NXPH2: variants seen among roughly 807,000 people sequenced by gnomAD.
The protein encoded by NXPH2 is neurexophilin-2.
In NXPH2, 5 loss-of-function variants were observed where a neutral mutation model predicts 19.8. The observed-to-expected ratio is 0.25, with a 90% confidence interval of 0.13 to 0.53. The LOEUF (loss-of-function observed/expected upper bound fraction) is 0.53, where lower values mean the gene tolerates loss of function less well. Ranked by LOEUF, NXPH2 falls within the 20% of genes least tolerant of loss-of-function variation. NXPH2 has a pLI of 0.96. For synonymous variants in NXPH2, 154 were observed against 127.4 expected, an observed-to-expected ratio of 1.21 and a Z score of -1.41; for missense variants, 289 against 322.8, an observed-to-expected ratio of 0.90 and a Z score of 0.80.
At position 138,721,339 on chromosome 2, in the gene NXPH2, G is replaced by GAA. The variant is rs141871590; in HGVS notation, c.52-49676_52-49675dup. Among the ~76,000 whole-genome samples, 399 of 141,114 alleles carry GAA rather than the reference G, an allele frequency of 2.8e-3. 4 individuals are homozygous for GAA. The highest frequency in any genetic ancestry group is 9.7e-3 in the African/African-American group (373 of 38,310). 92.6% of individuals were successfully genotyped at this position (141,114 alleles called of 152,430 possible). A position where few individuals can be genotyped will look rare whatever the true frequency, so the allele number is the denominator to read the frequency against. ...CTGGAGATAGAGCAAGACTCCGTCT[G>GAA]AAAAAAAAAAAAATTGCCAGAGGTG... On this transcript the variant is annotated intron_variant, in intron 1 of 1. Transcript: ENST00000272641.
At chr2:138,674,453 A>G (rs545448703) in intron 1 of NXPH2, among the ~76,000 whole-genome samples, 1 of 151,778 alleles carries the variant, frequency 6.6e-6, no homozygotes, top group South Asian at 2.1e-4. Context: ...TGCTCGGCTT[A>G]ATTTTTTATT....
intron 1 of NXPH2, among the ~76,000 whole-genome samples, chr2:138,743,004 G>C (rs1681668410): frequency 6.6e-6 from 1 of 152,110 alleles, no homozygotes; most frequent in Admixed American, 6.5e-5. Flanking sequence ...GTATAATTTA[G>C]TGAGATCATT....
chr2:138,706,316 C>A (rs1032214318), intron 1 of NXPH2, among the ~76,000 whole-genome samples: 2 of 152,150 alleles, frequency 1.3e-5, no homozygotes, highest in Non-Finnish European at 2.9e-5. Flanking sequence ...AGTAGCAGAG[C>A]TGCTGTAGTC....
At chr2:138,718,423 G>A (rs1223634767) in intron 1 of NXPH2, among the ~76,000 whole-genome samples, 1 of 152,076 alleles carries the variant, frequency 6.6e-6, no homozygotes, top group Non-Finnish European at 1.5e-5. Flanking sequence ...AACCCTCTCT[G>A]GGATAATGAC....
At position 138,771,552 on chromosome 2, in the gene NXPH2, T is replaced by C. The variant is rs548595772; in HGVS notation, c.51+8639A>G. ...CAGGCTGAAGCAAGTATTTGAGGGC[T>C]ATTGATTTAAAACAGAAGCACTTCC... On this transcript the variant is annotated intron_variant, in intron 1 of 1. Coordinates refer to ENST00000272641, the MANE Select transcript of NXPH2 (RefSeq NM_007226.3). 2.0e-3 allele frequency among the ~76,000 whole-genome samples: 303 copies of C among 152,130 alleles called. 3 individuals carry two copies. The highest frequency in any genetic ancestry group is 6.7e-3 in the African/African-American group (280 of 41,486).
chr2:138,734,929 C>T (rs1461975215), intron 1 of NXPH2, among the ~76,000 whole-genome samples: 1 of 152,142 alleles, frequency 6.6e-6, no homozygotes, highest in Non-Finnish European at 1.5e-5. Context: ...AATCAGAAAA[C>T]TGGTCAAGGG....
chr2:138,701,374 G>A (rs1380074525), intron 1 of NXPH2, among the ~76,000 whole-genome samples: 1 of 152,138 alleles, frequency 6.6e-6, no homozygotes, highest in African/African-American at 2.4e-5. Context: ...GAAAAACAGA[G>A]CGGGTTTTAG....
At chr2:138,685,510 TATC>T (rs1222103609) in intron 1 of NXPH2, among the ~76,000 whole-genome samples, 2 of 152,242 alleles carry the variant, frequency 1.3e-5, no homozygotes, top group African/African-American at 4.8e-5. Context: ...AAGTTGAAGA[TATC>T]ATAAATTGAA....
intron 1 of NXPH2, among the ~76,000 whole-genome samples, chr2:138,672,348 A>G (rs536374423): frequency 1.1e-4 from 17 of 152,334 alleles, no homozygotes; most frequent in African/African-American, 4.1e-4. Context: ...AATAAATTTT[A>G]TTACAACTGA....
At chr2:138,679,943 C>T (rs1680547673) in intron 1 of NXPH2, among the ~76,000 whole-genome samples, 1 of 152,024 alleles carries the variant, frequency 6.6e-6, no homozygotes, top group Non-Finnish European at 1.5e-5. Context: ...AGTGGAGTGT[C>T]CCAATCAAAT....
At chr2:138,744,039 T>C (rs1681688481) in intron 1 of NXPH2, among the ~76,000 whole-genome samples, 1 of 151,242 alleles carries the variant, frequency 6.6e-6, no homozygotes, top group Non-Finnish European at 1.5e-5. Context: ...AGGTATCCTG[T>C]TATTTTCATT....
At chr2:138,767,643 G>T (rs1682112359) in intron 1 of NXPH2, among the ~76,000 whole-genome samples, 1 of 152,094 alleles carries the variant, frequency 6.6e-6, no homozygotes, top group Admixed American at 6.6e-5. Flanking sequence ...AAACTGTAAA[G>T]ATATTATTTT....
chr2:138,716,329 G>A (rs1370066851), intron 1 of NXPH2, among the ~76,000 whole-genome samples: 1 of 152,192 alleles, frequency 6.6e-6, no homozygotes, highest in Non-Finnish European at 1.5e-5. Context: ...TTAGATGGGA[G>A]CATGAAGGTG....
intron 1 of NXPH2, among the ~76,000 whole-genome samples, chr2:138,680,362 C>T (rs1185974969): frequency 6.6e-6 from 1 of 152,194 alleles, no homozygotes; most frequent in African/African-American, 2.4e-5. Context: ...TACTGCACCC[C>T]AGAGAAGTGA....
At chr2:138,723,681 A>T (rs1261078061) in intron 1 of NXPH2, among the ~76,000 whole-genome samples, 1 of 152,168 alleles carries the variant, frequency 6.6e-6, no homozygotes, top group Non-Finnish European at 1.5e-5. Flanking sequence ...TGGAATTGTC[A>T]CAGTACCATT....
At chr2:138,684,878 G>A (rs1680625907) in intron 1 of NXPH2, among the ~76,000 whole-genome samples, 2 of 152,130 alleles carry the variant, frequency 1.3e-5, no homozygotes, top group African/African-American at 4.8e-5. Flanking sequence ...AATATTACTG[G>A]CAGTATAAAA....
At chr2:138,728,353 T>C (rs993081281) in intron 1 of NXPH2, among the ~76,000 whole-genome samples, 1 of 152,222 alleles carries the variant, frequency 6.6e-6, no homozygotes, top group Non-Finnish European at 1.5e-5. Flanking sequence ...TACATTTTTG[T>C]TTGTTTAAGC....
intron 1 of NXPH2, among the ~76,000 whole-genome samples, chr2:138,771,019 G>A (rs995932362): frequency 1.3e-5 from 2 of 151,868 alleles, no homozygotes. Context: ...TGTGATACAG[G>A]CATGCACATA....
chr2:138,736,012 C>T (rs1418062419), intron 1 of NXPH2, among the ~76,000 whole-genome samples: 2 of 152,204 alleles, frequency 1.3e-5, no homozygotes, highest in African/African-American at 4.8e-5. Context: ...TTGTCTTGGG[C>T]AGTTCTGCCA....
Sources: gnomAD v4.1 joint callset for allele counts (sites outside exome capture counted in the v4.1 genomes callset) on GRCh38, gnomAD v4.1.1 for gene constraint, MANE v1.5 for transcripts, NCBI Gene and HGNC (gene_info 2026-07-23, HGNC 2026-07-21) for gene names.